The following MALRD1 variants were observed in gnomAD, a reference collection of about 807,000 sequenced individuals.
MALRD1 encodes MAM and LDL receptor class A domain containing 1.
MALRD1 carries 247 observed loss-of-function variants against 242.1 expected under a neutral mutation model. The observed-to-expected ratio is 1.02, with a 90% CI of 0.92 to 1.13. The LOEUF (loss-of-function observed/expected upper bound fraction) is 1.13, where lower values mean the gene tolerates loss of function less well. MALRD1 is among the 50% of genes most tolerant of loss of function. The probability of loss-of-function intolerance (pLI) is 0.00; values close to 1 mark genes in which losing one functional copy is unlikely to be tolerated. For synonymous variants in MALRD1, 995 were observed against 866.6 expected, an observed-to-expected ratio of 1.15 and a Z score of -2.60; for missense variants, 2,989 against 2,533.1, an observed-to-expected ratio of 1.18 and a Z score of -3.86.
intron 26 of MALRD1, among the ~76,000 whole-genome samples, chr10:19,372,117 A>C (rs1446456333): frequency 1.3e-5 from 2 of 152,216 alleles, no homozygotes; most frequent in Non-Finnish European, 2.9e-5. Flanking sequence ...AAATAATTAA[A>C]TTCAAGACAA....
intron 1 of MALRD1, among the ~76,000 whole-genome samples, chr10:19,055,448 T>C (rs775085625): frequency 3.9e-5 from 6 of 152,220 alleles, no homozygotes; most frequent in Non-Finnish European, 7.3e-5. Context: ...CCTGGGCTTT[T>C]GGGGACATAG....
intron 2 of MALRD1, among the ~76,000 whole-genome samples, chr10:19,084,285 T>G (rs762810170): frequency 6.6e-6 from 1 of 151,936 alleles, no homozygotes; most frequent in Non-Finnish European, 1.5e-5. Context: ...AGACTACTAT[T>G]TGCTCTCTAT....
chr10:19,331,121 T>TA (rs2130920484), intron 23 of MALRD1, among the ~76,000 whole-genome samples: 2 of 152,278 alleles, frequency 1.3e-5, no homozygotes, highest in South Asian at 4.1e-4. Context: ...ACCCATATCC[T>TA]AAAAATCTAG....
chr10:19,413,016 T>C (rs1009465840), intron 28 of MALRD1, among the ~76,000 whole-genome samples: 2 of 152,158 alleles, frequency 1.3e-5, no homozygotes, highest in Non-Finnish European at 2.9e-5. Context: ...ATTGAATCTC[T>C]TTATGTAAAG....
Position 19,499,565 on chromosome 10 carries a change from T to C in MALRD1, c.5320+919T>C, listed in dbSNP as rs371812574. Among the ~76,000 whole-genome samples the C allele has an allele frequency of 5.3e-5, 8 of 152,328 alleles. No individual in the cohort carries two copies. In the East Asian group the frequency reaches 1.4e-3, roughly 26 times the overall value. ...AGCCTGACAGTCCACCCTGCAGATATTGGACTTGGCAGCCTTCATAATGTC... is the reference window on the plus strand; with the variant it reads ...AGCCTGACAGTCCACCCTGCAGATACTGGACTTGGCAGCCTTCATAATGTC... On this transcript the variant is annotated intron_variant, in intron 31 of 39. Coordinates refer to ENST00000454679, the MANE Select transcript of MALRD1 (RefSeq NM_001142308.3).
chr10:19,704,591 T>C (rs1485589779), intron 38 of MALRD1, among the ~76,000 whole-genome samples: 3 of 152,130 alleles, frequency 2.0e-5, no homozygotes, highest in Non-Finnish European at 4.4e-5. Flanking sequence ...TATGCAATAG[T>C]AGAAAGATGG....
At chr10:19,528,518 G>A (rs368675735) in intron 31 of MALRD1, among the ~76,000 whole-genome samples, 34 of 152,204 alleles carry the variant, frequency 2.2e-4, no homozygotes, top group Admixed American at 4.6e-4. Flanking sequence ...GCTTGAACCC[G>A]GGAGGCAGAG....
At chr10:19,075,297 T>G (rs1378196338) in intron 2 of MALRD1, among the ~76,000 whole-genome samples, 1 of 152,040 alleles carries the variant, frequency 6.6e-6, no homozygotes, top group Non-Finnish European at 1.5e-5. Context: ...TGGCCACAGC[T>G]ATGAAGAGAT....
intron 12 of MALRD1, among the ~76,000 whole-genome samples, chr10:19,156,680 C>T (rs146538140): frequency 1.3e-5 from 2 of 152,176 alleles, no homozygotes; most frequent in African/African-American, 4.8e-5. Flanking sequence ...CTATGACTCA[C>T]CTAGAGTCAC....
rs1320271146 is a variant in MALRD1 at position 19,595,256 on chromosome 10, CA to C, written c.5745del (p.Gln1915HisfsTer16). On this transcript the variant is annotated frameshift_variant, in exon 34 of 40. Coordinates refer to ENST00000454679, the MANE Select transcript of MALRD1 (RefSeq NM_001142308.3). LOFTEE classifies it high-confidence loss of function. ...ADQFSCIYTL[Q>X]CVPLSGKCDG... ...TCAGTTTTCTTGTATCTACACACTC[CA>C]ATGTGTCCCTCTCTCAGGGAAATGT... The C allele has an allele frequency of 1.2e-5, 19 of 1,550,190 alleles. No homozygotes were observed. The Admixed American group carries it at 3.1e-4, about 26-fold the overall frequency.
At chr10:19,408,871 G>A (rs1833150695) in intron 28 of MALRD1, among the ~76,000 whole-genome samples, 1 of 152,160 alleles carries the variant, frequency 6.6e-6, no homozygotes, top group African/African-American at 2.4e-5. Flanking sequence ...AAAGGGTTTG[G>A]CAGTTTCTCA....
At chr10:19,234,733 A>G (rs1055508542) in intron 18 of MALRD1, among the ~76,000 whole-genome samples, 3 of 152,134 alleles carry the variant, frequency 2.0e-5, no homozygotes, top group African/African-American at 4.8e-5. Context: ...CTTGGTGGAG[A>G]TATTAACACA....
intron 38 of MALRD1, among the ~76,000 whole-genome samples, chr10:19,692,875 A>G (rs1833159847): frequency 3.1e-5 from 1 of 32,012 alleles, no homozygotes; most frequent in South Asian, 1.5e-3. Context: ...AATTATATAT[A>G]TATATATATA....
At chr10:19,672,585 G>A (rs555890733) in intron 36 of MALRD1, among the ~76,000 whole-genome samples, 26 of 151,760 alleles carry the variant, frequency 1.7e-4, no homozygotes, top group African/African-American at 5.1e-4. Flanking sequence ...CACCATGCCC[G>A]GCTAATTTTT....
intron 31 of MALRD1, among the ~76,000 whole-genome samples, chr10:19,512,285 G>A (rs1833438457): frequency 6.6e-6 from 1 of 152,118 alleles, no homozygotes; most frequent in Non-Finnish European, 1.5e-5. Context: ...TATAAGAACA[G>A]GAGATACAGG....
At chr10:19,413,430 A>G (rs926012856) in intron 28 of MALRD1, among the ~76,000 whole-genome samples, 1 of 152,022 alleles carries the variant, frequency 6.6e-6, no homozygotes, top group African/African-American at 2.4e-5. Context: ...TCTTGCACCA[A>G]TTTTCTGCTT....
In MALRD1 at chr10:19,701,042, C is replaced by T. The variant is rs181417660; in HGVS notation, c.6314+8488C>T. 8.5e-4 allele frequency among the ~76,000 whole-genome samples: 130 copies of T among 152,148 alleles called. 1 individual carries two copies. Among genetic ancestry groups the T allele is most frequent in the African/African-American group, 2.1e-3 (88 of 41,518 alleles). On this transcript the variant is annotated intron_variant, in intron 38 of 39. Transcript: ENST00000454679. ...TACGTGCCTGTAGTCCCAGCTATTC[C>T]GGAGGCAGAGTTGAGTGGATTGCTT...
chr10:19,264,530 T>TG (rs989211613), intron 19 of MALRD1, among the ~76,000 whole-genome samples: 28 of 151,436 alleles, frequency 1.8e-4, no homozygotes, highest in Non-Finnish European at 7.4e-5. Flanking sequence ...CCCTGCTCAC[T>TG]GCAAGCTCCG....
intron 26 of MALRD1, among the ~76,000 whole-genome samples, chr10:19,384,157 C>T (rs1048994280): frequency 6.7e-6 from 1 of 150,108 alleles, no homozygotes; most frequent in African/African-American, 2.4e-5. Context: ...CATATATTGT[C>T]CACTTGTATG....
Sources: allele counts gnomAD v4.1 joint callset (sites outside exome capture counted in the v4.1 genomes callset), GRCh38; gene constraint gnomAD v4.1.1; transcripts MANE v1.5; gene names NCBI Gene and HGNC (gene_info 2026-07-23, HGNC 2026-07-21).